The following ARHGAP22 variants were observed in gnomAD, a reference collection of about 807,000 sequenced individuals.
ARHGAP22 encodes the protein Rho GTPase activating protein 22.
Under a neutral mutation model 59.1 loss-of-function variants are expected in ARHGAP22, and 48 were observed. That is an observed-to-expected ratio of 0.81 (90% CI 0.64 to 1.03). The LOEUF (loss-of-function observed/expected upper bound fraction) is 1.03, where lower values mean the gene tolerates loss of function less well. Among genes scored for constraint, ARHGAP22 ranks in the 50% least tolerant of loss-of-function variants. The pLI is 0.00. For missense variants in ARHGAP22, 1,015 were observed against 958.7 expected, an observed-to-expected ratio of 1.06 and a Z score of -0.78; for synonymous variants, 445 against 416.4, an observed-to-expected ratio of 1.07 and a Z score of -0.84.
chr10:48,515,780 G>A (rs2053228169), intron 3 of ARHGAP22, among the ~76,000 whole-genome samples: 1 of 152,152 alleles, frequency 6.6e-6, no homozygotes, highest in African/African-American at 2.4e-5. Flanking sequence ...GGACATTTGA[G>A]AAATTCACAA....
chr10:48,596,323 C>T (rs1200067733), intron 1 of ARHGAP22, among the ~76,000 whole-genome samples: 1 of 152,174 alleles, frequency 6.6e-6, no homozygotes, highest in East Asian at 1.9e-4. Flanking sequence ...AGACACACAC[C>T]TGCCCTGGCA....
intron 2 of ARHGAP22, among the ~76,000 whole-genome samples, chr10:48,565,667 C>T (rs1010114606): frequency 4.6e-5 from 7 of 152,148 alleles, no homozygotes; most frequent in African/African-American, 1.7e-4. Flanking sequence ...CCTGTTCCAC[C>T]AGGCTGAGGC....
intron 1 of ARHGAP22, among the ~76,000 whole-genome samples, chr10:48,639,579 C>T (rs1216956666): frequency 1.3e-5 from 2 of 152,122 alleles, no homozygotes; most frequent in African/African-American, 2.4e-5. Flanking sequence ...TACACAGAAA[C>T]AAGAGTGACC....
At position 48,499,804 on chromosome 10, in the gene ARHGAP22, T is replaced by C. The variant is rs576138707; in HGVS notation, c.323-20040A>G. Among the ~76,000 whole-genome samples, 3 of 152,258 alleles carry C rather than the reference T, an allele frequency of 2.0e-5. No individual in the cohort carries two copies. In the South Asian group the frequency reaches 6.2e-4, roughly 32 times the overall value. On this transcript the variant is annotated intron_variant, in intron 3 of 9. Coordinates refer to ENST00000249601, the MANE Select transcript of ARHGAP22 (RefSeq NM_021226.4). ...CGAAATTAATATATAAAAAGAACAA[T>C]CTATTTGTAAATTAGGAGAAACAGA... is the stretch of plus-strand genomic sequence containing the variant.
intron 3 of ARHGAP22, among the ~76,000 whole-genome samples, chr10:48,483,364 C>T (rs116455632): frequency 0.017 from 2,544 of 152,242 alleles, 70 homozygotes; most frequent in African/African-American, 0.057. Context: ...TTTGCAACCT[C>T]CGGCATAAAT....
At chr10:48,547,405 G>A (rs932506462) in intron 3 of ARHGAP22, among the ~76,000 whole-genome samples, 1 of 152,250 alleles carries the variant, frequency 6.6e-6, no homozygotes, top group Non-Finnish European at 1.5e-5. Context: ...CTGGTGTTTG[G>A]GGAGTTGGGG....
intron 3 of ARHGAP22, among the ~76,000 whole-genome samples, chr10:48,500,299 T>C (rs935990660): frequency 6.6e-5 from 10 of 151,962 alleles, no homozygotes; most frequent in Non-Finnish European, 2.9e-5. Flanking sequence ...TAAGCTGTGA[T>C]CTGAACTCCA....
chr10:48,616,023 G>C (rs998417653), intron 1 of ARHGAP22, among the ~76,000 whole-genome samples: 7 of 151,376 alleles, frequency 4.6e-5, no homozygotes, highest in African/African-American at 1.7e-4. Context: ...TCAAGTACAA[G>C]AACACCCTGT....
intron 1 of ARHGAP22, among the ~76,000 whole-genome samples, chr10:48,602,283 C>A (rs1163178956): frequency 1.3e-5 from 2 of 152,162 alleles, no homozygotes. Flanking sequence ...GAGACATTGA[C>A]ACTCCTGCTA....
chr10:48,432,894 T>C, the ARHGAP22 span, among the ~76,000 whole-genome samples: 600 of 152,332 alleles, frequency 3.9e-3, 2 homozygotes, highest in African/African-American at 0.013. Flanking sequence ...TAAGCTGTTA[T>C]AAAAATATTC....
At chr10:48,506,134 C>T (rs2052110990) in intron 3 of ARHGAP22, among the ~76,000 whole-genome samples, 1 of 152,198 alleles carries the variant, frequency 6.6e-6, no homozygotes. Context: ...AGCAAATGTC[C>T]TTCCCACTCT....
intron 5 of ARHGAP22, among the ~76,000 whole-genome samples, chr10:48,459,068 A>T (rs2046867732): frequency 6.6e-6 from 1 of 152,170 alleles, no homozygotes; most frequent in Non-Finnish European, 1.5e-5. Flanking sequence ...CTATGAAAAA[A>T]CTGCCCCATA....
At chr10:48,437,367 G>A in the ARHGAP22 span, 1 of 151,618 alleles carries the variant, frequency 6.6e-6, no homozygotes, top group Admixed American at 6.6e-5. Flanking sequence ...TTTTTTTGAA[G>A]AGAAGTTACA....
At chr10:48,447,099 C>T (rs991966608) in intron 9 of ARHGAP22, among the ~76,000 whole-genome samples, 1 of 152,318 alleles carries the variant, frequency 6.6e-6, no homozygotes, top group Admixed American at 6.5e-5. Flanking sequence ...GTAGTCACTT[C>T]CCTTCCTGCT....
At chr10:48,567,055 C>T (rs1158940226) in intron 2 of ARHGAP22, among the ~76,000 whole-genome samples, 1 of 152,164 alleles carries the variant, frequency 6.6e-6, no homozygotes, top group East Asian at 1.9e-4. Flanking sequence ...CAGGGAGTGC[C>T]CTTTTCAGGG....
At chr10:48,583,766 T>A (rs2059258694) in intron 1 of ARHGAP22, among the ~76,000 whole-genome samples, 1 of 152,182 alleles carries the variant, frequency 6.6e-6, no homozygotes, top group South Asian at 2.1e-4. Flanking sequence ...AGCCTTTGTA[T>A]TTGTTCCCTG....
intron 3 of ARHGAP22, among the ~76,000 whole-genome samples, chr10:48,514,771 T>C (rs370827959): frequency 5.3e-5 from 8 of 152,164 alleles, no homozygotes; most frequent in African/African-American, 1.9e-4. Context: ...TTCATAAAGA[T>C]ATAGTTAGTA....
At chr10:48,437,817 C>A in the ARHGAP22 span, 4 of 152,248 alleles carry the variant, frequency 2.6e-5, no homozygotes, top group Admixed American at 2.0e-4. Flanking sequence ...ACACACAACC[C>A]CCTTAACAAT....
chr10:48,458,471 T>C (rs2046799651), intron 5 of ARHGAP22, among the ~76,000 whole-genome samples: 1 of 152,002 alleles, frequency 6.6e-6, no homozygotes, highest in Non-Finnish European at 1.5e-5. Flanking sequence ...GGGAGAAGCT[T>C]GGCAGTGTGG....
Sources: gnomAD v4.1 joint callset for allele counts (sites outside exome capture counted in the v4.1 genomes callset) on GRCh38, gnomAD v4.1.1 for gene constraint, MANE v1.5 for transcripts, NCBI Gene and HGNC (gene_info 2026-07-23, HGNC 2026-07-21) for gene names.